Variants in GPC5 observed in about 807,000 individuals in gnomAD.
GPC5 encodes glypican-5.
In GPC5, 47 loss-of-function variants were observed where a neutral mutation model predicts 53.9. That is an observed-to-expected ratio of 0.87 (90% CI 0.69 to 1.11). The LOEUF (loss-of-function observed/expected upper bound fraction) is 1.11, where lower values mean the gene tolerates loss of function less well. GPC5 is among the 50% of genes most tolerant of loss of function. The probability of loss-of-function intolerance (pLI) is 0.00; values close to 1 mark genes in which losing one functional copy is unlikely to be tolerated. For synonymous variants in GPC5, 286 were observed against 263.3 expected, an observed-to-expected ratio of 1.09 and a Z score of -0.84; for missense variants, 748 against 713.1, an observed-to-expected ratio of 1.05 and a Z score of -0.56.
intron 2 of GPC5, among the ~76,000 whole-genome samples, chr13:91,510,734 T>C (rs1334993266): frequency 1.3e-5 from 2 of 152,190 alleles, no homozygotes; most frequent in Non-Finnish European, 2.9e-5. Flanking sequence ...CCTTCCATAA[T>C]GGATATAACT....
chr13:92,345,805 A>G (rs985450541), intron 7 of GPC5, among the ~76,000 whole-genome samples: 7 of 152,072 alleles, frequency 4.6e-5, no homozygotes, highest in African/African-American at 7.2e-5. Flanking sequence ...ATGGGGAACA[A>G]TGGGGCTAAA....
intron 7 of GPC5, among the ~76,000 whole-genome samples, chr13:92,684,507 G>C (rs1216262024): frequency 6.6e-6 from 1 of 151,976 alleles, no homozygotes; most frequent in African/African-American, 2.4e-5. Flanking sequence ...CTGACCTCGC[G>C]ATCCACCCAC....
At chr13:92,300,736 C>T (rs1347408662) in intron 7 of GPC5, among the ~76,000 whole-genome samples, 2 of 152,160 alleles carry the variant, frequency 1.3e-5, no homozygotes, top group Admixed American at 1.3e-4. Context: ...CTATCTTAAG[C>T]AATATTGTGT....
In GPC5 at chr13:92,587,797, C is replaced by G. The variant is rs550532291; in HGVS notation, c.1562-278485C>G. 3.9e-5 allele frequency among the ~76,000 whole-genome samples: 6 copies of G among 152,172 alleles called. No individual in the cohort carries two copies. In the East Asian group the frequency reaches 1.2e-3, roughly 30 times the overall value. Reference sequence around the variant, plus strand: ...CCTGGAGGCAGCCATGCTCTCAAACCCCGTCTCCACCCTCCAGAGTGGTGT... The same window carrying G: ...CCTGGAGGCAGCCATGCTCTCAAACGCCGTCTCCACCCTCCAGAGTGGTGT... On this transcript the variant is annotated intron_variant, in intron 7 of 7. Transcript: ENST00000377067.
chr13:91,785,919 C>T (rs2037870350), intron 5 of GPC5, among the ~76,000 whole-genome samples: 1 of 152,170 alleles, frequency 6.6e-6, no homozygotes, highest in African/African-American at 2.4e-5. Context: ...TTGCTCCTCC[C>T]CCTGCCCTGG....
At chr13:91,677,313 C>A (rs2035406370) in intron 2 of GPC5, among the ~76,000 whole-genome samples, 1 of 152,078 alleles carries the variant, frequency 6.6e-6, no homozygotes. Flanking sequence ...TATATGACTG[C>A]AGCTCCACAC....
intron 2 of GPC5, among the ~76,000 whole-genome samples, chr13:91,498,119 C>A (rs769115080): frequency 6.8e-6 from 1 of 147,606 alleles, no homozygotes; most frequent in Non-Finnish European, 1.5e-5. Flanking sequence ...ATGCTTTTCA[C>A]CCCCCTACCT....
intron 7 of GPC5, among the ~76,000 whole-genome samples, chr13:92,269,445 G>A (rs538896312): frequency 1.7e-4 from 25 of 150,812 alleles, no homozygotes; most frequent in South Asian, 2.1e-4. Context: ...TCGCTCTGTC[G>A]TCCAGGCTGG....
intron 6 of GPC5, among the ~76,000 whole-genome samples, chr13:92,030,569 A>G (rs909300453): frequency 2.6e-5 from 4 of 151,886 alleles, no homozygotes; most frequent in Admixed American, 6.6e-5. Flanking sequence ...TCCTTTCCCT[A>G]CATATATCAC....
At chr13:92,383,002 CAAAAAAAAA>C (rs57654180) in intron 7 of GPC5, among the ~76,000 whole-genome samples, 1 of 94,796 alleles carries the variant, frequency 1.1e-5, no homozygotes, top group Admixed American at 1.2e-4. Flanking sequence ...GACTCCGTCT[CAAAAAAAAA>C]AAAAAAAAAA....
At chr13:92,432,687 T>C (rs1444899746) in intron 7 of GPC5, among the ~76,000 whole-genome samples, 1 of 152,026 alleles carries the variant, frequency 6.6e-6, no homozygotes, top group African/African-American at 2.4e-5. Flanking sequence ...AAACTAGTTT[T>C]TTTTTAGCTT....
chr13:92,519,601 C>G (rs1197451318), intron 7 of GPC5, among the ~76,000 whole-genome samples: 1 of 152,122 alleles, frequency 6.6e-6, no homozygotes, highest in East Asian at 1.9e-4. Flanking sequence ...ACACAACATA[C>G]CAGAATCTCT....
chr13:91,954,479 G>A (rs1270270094), intron 6 of GPC5, among the ~76,000 whole-genome samples: 5 of 152,180 alleles, frequency 3.3e-5, no homozygotes, highest in African/African-American at 9.6e-5. Flanking sequence ...AATAAGCAAA[G>A]TAGAGGAGAA....
At chr13:92,152,991 A>T (rs2041918363) in intron 7 of GPC5, among the ~76,000 whole-genome samples, 1 of 152,208 alleles carries the variant, frequency 6.6e-6, no homozygotes, top group Non-Finnish European at 1.5e-5. Context: ...GCATGCTTAA[A>T]TAATACTTGT....
At chr13:92,152,788 G>T (rs902591852) in intron 7 of GPC5, among the ~76,000 whole-genome samples, 17 of 150,020 alleles carry the variant, frequency 1.1e-4, no homozygotes, top group Non-Finnish European at 2.4e-4. Flanking sequence ...GGCACAGATA[G>T]TGGTAGATAC....
At chr13:92,178,786 T>C (rs746056625) in intron 7 of GPC5, among the ~76,000 whole-genome samples, 8 of 151,840 alleles carry the variant, frequency 5.3e-5, no homozygotes, top group Non-Finnish European at 7.4e-5. Flanking sequence ...ACCATCCTGG[T>C]TAACATGGTG....
At chr13:91,423,248 A>G (rs1878769414) in intron 1 of GPC5, among the ~76,000 whole-genome samples, 1 of 152,204 alleles carries the variant, frequency 6.6e-6, no homozygotes, top group Non-Finnish European at 1.5e-5. Context: ...TGAGTTTTGG[A>G]GCCACACTGC....
intron 7 of GPC5, among the ~76,000 whole-genome samples, chr13:92,796,899 A>T (rs989787411): frequency 6.6e-6 from 1 of 151,882 alleles, no homozygotes; most frequent in Non-Finnish European, 1.5e-5. Context: ...AAAGGCTGTT[A>T]TATTTTTAAA....
chr13:92,470,941 T>A (rs1000225574), intron 7 of GPC5, among the ~76,000 whole-genome samples: 2 of 152,078 alleles, frequency 1.3e-5, no homozygotes, highest in Non-Finnish European at 2.9e-5. Flanking sequence ...TGATGAGAGA[T>A]TAAAATGGAG....
Sources: allele counts gnomAD v4.1 joint callset (sites outside exome capture counted in the v4.1 genomes callset), GRCh38; gene constraint gnomAD v4.1.1; transcripts MANE v1.5; gene names NCBI Gene and HGNC (gene_info 2026-07-23, HGNC 2026-07-21).